CREBRF: variants seen among roughly 807,000 people sequenced by gnomAD.
The protein encoded by CREBRF is CREB3 regulatory factor.
A neutral mutation model predicts 66.1 loss-of-function variants in CREBRF; 5 were observed. That is an observed-to-expected ratio of 0.08 (90% CI 0.04 to 0.16). The LOEUF (loss-of-function observed/expected upper bound fraction) is 0.16, where lower values mean the gene tolerates loss of function less well. Among genes scored for constraint, CREBRF ranks in the 10% least tolerant of loss-of-function variants. CREBRF has a pLI of 1.00. For synonymous variants in CREBRF, 229 were observed against 264.4 expected (o/e 0.87, Z 1.30); for missense variants, 531 against 744.9 (o/e 0.71, Z 3.34).
At position 173,064,720 on chromosome 5, in the gene CREBRF, A is replaced by G. The variant is rs899608358; in HGVS notation, c.-192+8241A>G. 3.3e-5 allele frequency among the ~76,000 whole-genome samples: 5 copies of G among 152,040 alleles called. No homozygotes were observed. In the East Asian group the frequency reaches 9.7e-4, roughly 30 times the overall value. ...GCTGGGATTACAGGGATGTGCCACC[A>G]TGCCCAGCTAATTTTGTATTTTTAG... On this transcript the variant is annotated intron_variant, in intron 1 of 8. Coordinates refer to ENST00000296953, the MANE Select transcript of CREBRF (RefSeq NM_153607.3).
rs182490871 is a variant in CREBRF, at chr5:173,093,883, T to G, written c.1222+2482T>G. ...CCAGAGCTTATTCATCCTGCATAAC[T>G]GAAACTTTGTACCTTTTGGCCAACA... On this transcript the variant is annotated intron_variant, in intron 4 of 8. Transcript: ENST00000296953. Among the ~76,000 whole-genome samples the G allele has an allele frequency of 9.1e-4, 139 of 152,332 alleles. 2 individuals carry two copies. Among genetic ancestry groups the G allele is most frequent in the Non-Finnish European group, 1.5e-3 (99 of 68,036 alleles).
chr5:173,088,190 C>T (rs995787905), intron 3 of CREBRF, among the ~76,000 whole-genome samples: 4 of 151,262 alleles, frequency 2.6e-5, no homozygotes, highest in African/African-American at 9.7e-5. Context: ...TAGCCACACA[C>T]ACCTGCAGCT....
In CREBRF at chr5:173,136,232, A is replaced by C. The variant is rs1407120270; in HGVS notation, c.*2487A>C. On this transcript the variant is annotated 3_prime_UTR_variant, in exon 9 of 9. Transcript: ENST00000296953. Reference sequence around the variant, plus strand: ...GATTTTTTGGTCTTGCATTTCAAAAAAAAAAAGACTTTGAATCTGTTTAGT... The same window carrying C: ...GATTTTTTGGTCTTGCATTTCAAAACAAAAAAGACTTTGAATCTGTTTAGT... 2.0e-5 allele frequency: 3 copies of C among 152,478 alleles called. No individual in the cohort carries two copies. The East Asian group carries it at 5.8e-4, about 29-fold the overall frequency. The allele number at this position is 152,478 out of a possible 1,614,324, so 9.4% of individuals were successfully genotyped here.
chr5:173,122,950 A>C, intron 7 of CREBRF, 130 bp from the exon 8 acceptor site: 2 of 717,802 alleles, frequency 2.8e-6, no homozygotes, highest in Non-Finnish European at 4.4e-6. Context: ...ATGGCTGCAT[A>C]GTATTCCATG....
At chr5:173,066,390 A>T (rs1002805909) in intron 1 of CREBRF, among the ~76,000 whole-genome samples, 1 of 152,204 alleles carries the variant, frequency 6.6e-6, no homozygotes. Context: ...ATTGTTTGAT[A>T]ACAAAGTCCA....
At chr5:173,083,616 C>G (rs776206199) in intron 2 of CREBRF, among the ~76,000 whole-genome samples, 4 of 152,146 alleles carry the variant, frequency 2.6e-5, no homozygotes, top group African/African-American at 4.8e-5. Flanking sequence ...TTCCAGCTTG[C>G]TTTGGAAAAT....
At chr5:173,099,954 A>C (rs1001470963) in intron 4 of CREBRF, among the ~76,000 whole-genome samples, 2 of 144,060 alleles carry the variant, frequency 1.4e-5, no homozygotes, top group African/African-American at 5.1e-5. Context: ...GCAGTGGCAC[A>C]GTCTTGGCTC....
At position 173,071,008 on chromosome 5, in the gene CREBRF, G is replaced by A. The variant is rs565971453; in HGVS notation, c.-191-9577G>A. ...GTCATTCTCAAAGATGTCACAGTCT[G>A]GTAGTGGAAGCAAGGGAATAGGAGA... On this transcript the variant is annotated intron_variant, in intron 1 of 8. Coordinates refer to ENST00000296953, the MANE Select transcript of CREBRF (RefSeq NM_153607.3). 5.3e-5 allele frequency among the ~76,000 whole-genome samples: 8 copies of A among 152,192 alleles called. No homozygotes were observed. The East Asian group carries it at 1.5e-3, about 29-fold the overall frequency.
intron 1 of CREBRF, among the ~76,000 whole-genome samples, chr5:173,058,514 C>G (rs1016701459): frequency 6.6e-6 from 1 of 151,312 alleles, no homozygotes; most frequent in Non-Finnish European, 1.5e-5. Flanking sequence ...GACGGAGTCT[C>G]GCTCTGTCGC....
At chr5:173,112,733 A>G (rs1297535233) in intron 7 of CREBRF, among the ~76,000 whole-genome samples, 1 of 152,250 alleles carries the variant, frequency 6.6e-6, no homozygotes, top group East Asian at 1.9e-4. Context: ...AAAGATCACA[A>G]TAATTTCTTC....
At chr5:173,100,463 C>T (rs623576) in intron 4 of CREBRF, among the ~76,000 whole-genome samples, 58,612 of 151,082 alleles carry the variant, frequency 0.39, 12,068 homozygotes, top group Non-Finnish European at 0.45. Flanking sequence ...CTCACTCTCT[C>T]GCCCAGGCTG....
chr5:173,058,988 G>T (rs1447182273), intron 1 of CREBRF, among the ~76,000 whole-genome samples: 1 of 151,312 alleles, frequency 6.6e-6, no homozygotes, highest in Non-Finnish European at 1.5e-5. Flanking sequence ...ATAGAGACGG[G>T]GTTTCACCAC....
chr5:173,069,328 C>CT (rs1561792586), intron 1 of CREBRF, among the ~76,000 whole-genome samples: 1 of 151,722 alleles, frequency 6.6e-6, no homozygotes, highest in Non-Finnish European at 1.5e-5. Context: ...GAATGAAATT[C>CT]TTTTTTTTAA....
At chr5:173,116,310 A>G (rs1758988722) in intron 7 of CREBRF, among the ~76,000 whole-genome samples, 1 of 152,210 alleles carries the variant, frequency 6.6e-6, no homozygotes. Context: ...ATACGCATAC[A>G]TATGTGAAAC....
chr5:173,131,888 A>G (rs1350456492), intron 8 of CREBRF, among the ~76,000 whole-genome samples: 4 of 152,052 alleles, frequency 2.6e-5, no homozygotes, highest in African/African-American at 9.7e-5. Flanking sequence ...GCCTGCCACC[A>G]TGCCCAGCTA....
chr5:173,133,560 C>T (rs1435187478), intron 8 of CREBRF, 70 bp from the exon 9 acceptor site: 16 of 819,776 alleles, frequency 2.0e-5, no homozygotes, highest in Non-Finnish European at 3.2e-5. Context: ...TCAGTTTTTA[C>T]CAGCTCCTTC....
chr5:173,134,889 G>A lies in CREBRF; in HGVS notation c.*1144G>A, dbSNP rs1294700647. The A allele has an allele frequency of 6.6e-6, 1 of 152,438 alleles. No homozygotes were observed. Among genetic ancestry groups the A allele is most frequent in the East Asian group, 1.9e-4 (1 of 5,202 alleles). The allele number at this position is 152,438 out of a possible 1,614,324, so 9.4% of individuals were successfully genotyped here. ...GCTGTTCCTCTAGTTCGCTTCCATAGTAGATAAGTTGGTGGCCATTTAGAT... is the reference window on the plus strand; with the variant it reads ...GCTGTTCCTCTAGTTCGCTTCCATAATAGATAAGTTGGTGGCCATTTAGAT... On this transcript the variant is annotated 3_prime_UTR_variant, in exon 9 of 9. Coordinates refer to ENST00000296953, the MANE Select transcript of CREBRF (RefSeq NM_153607.3).
chr5:173,062,024 A>G (rs899506002), intron 1 of CREBRF, among the ~76,000 whole-genome samples: 1 of 152,134 alleles, frequency 6.6e-6, no homozygotes, highest in Non-Finnish European at 1.5e-5. Context: ...GATCTAGCTA[A>G]CCTAGGGTCT....
At chr5:173,079,442 GAC>G (rs1328685672) in intron 1 of CREBRF, among the ~76,000 whole-genome samples, 1 of 147,498 alleles carries the variant, frequency 6.8e-6, no homozygotes, top group Non-Finnish European at 1.5e-5. Context: ...CAGCCTGGGT[GAC>G]AGAGTGAGAC....
Sources: allele counts gnomAD v4.1 joint callset (sites outside exome capture counted in the v4.1 genomes callset), GRCh38; gene constraint gnomAD v4.1.1; transcripts MANE v1.5; gene names NCBI Gene and HGNC (gene_info 2026-07-23, HGNC 2026-07-21).